The following LZIC variants were observed in gnomAD, a reference collection of about 807,000 sequenced individuals.
LZIC encodes the protein leucine zipper and CTNNBIP1 domain containing.
In LZIC, 28 loss-of-function variants were observed where a neutral mutation model predicts 25.4. That is an observed-to-expected ratio of 1.10 (90% CI 0.82 to 1.51). The LOEUF (loss-of-function observed/expected upper bound fraction) is 1.51, where lower values mean the gene tolerates loss of function less well. Among genes scored for constraint, LZIC ranks in the 40% most tolerant of loss-of-function variants. LZIC has a pLI of 0.00. For synonymous variants in LZIC, 65 were observed against 70.7 expected (o/e 0.92, Z 0.40); for missense variants, 170 against 211.1 (o/e 0.81, Z 1.21).
intron 2 of LZIC, among the ~76,000 whole-genome samples, chr1:9,941,426 C>G (rs950655577): frequency 8.6e-5 from 13 of 151,744 alleles, no homozygotes; most frequent in Admixed American, 1.3e-4. Flanking sequence ...AACTCCTGAC[C>G]TCAGGTGATC....
chr1:9,939,623 AT>A, intron 2 of LZIC, among the ~76,000 whole-genome samples: 1 of 135,580 alleles, frequency 7.4e-6, no homozygotes, highest in East Asian at 2.2e-4. Context: ...AAATGCTGGG[AT>A]TACAGGCATG....
downstream of LZIC, among the ~76,000 whole-genome samples, chr1:9,924,577 A>G (rs1639935175): frequency 6.6e-6 from 1 of 152,086 alleles, no homozygotes; most frequent in Admixed American, 6.6e-5. Flanking sequence ...GATAGTCTCC[A>G]TCTCCTGACC....
At chr1:9,923,509 C>T (rs993873542), downstream of LZIC, among the ~76,000 whole-genome samples, 2 of 135,562 alleles carry the variant, frequency 1.5e-5, no homozygotes, top group African/African-American at 5.4e-5. Flanking sequence ...CGCACCTGGC[C>T]CAATGCTTCT....
downstream of LZIC, among the ~76,000 whole-genome samples, chr1:9,923,914 G>A (rs1283898859): frequency 9.2e-5 from 14 of 151,602 alleles, no homozygotes; most frequent in Admixed American, 2.6e-4. Context: ...CACCACGCCC[G>A]GCTAATTTTT....
rs1640473803 is a variant in LZIC, at chr1:9,936,716, C to G, written c.-8-89G>C. ...TTTATTTTTTGTAGAGACAGAGTCT[C>G]ACTATGTTGCCCAGGCTGGTCTCGG... is the stretch of plus-strand genomic sequence containing the variant. On this transcript the variant is annotated intron_variant, in intron 2 of 7. Transcript: ENST00000377223. 3 of 836,316 alleles carry G rather than the reference C, an allele frequency of 3.6e-6. No individual in the cohort carries two copies. The Admixed American group carries it at 6.3e-5, about 18-fold the overall frequency. 51.8% of individuals were successfully genotyped at this position (836,316 alleles called of 1,614,324 possible).
chr1:9,931,859 C>T lies in LZIC; in HGVS notation c.514+32G>A, dbSNP rs774172508. On this transcript the variant is annotated intron_variant, in intron 7 of 7. Transcript: ENST00000377223. ...GTATGTAATATATGACAGTAGTATA[C>T]GACCAGCTTTCAGAAATATGAGGGC... is the stretch of plus-strand genomic sequence containing the variant. 104 of 1,463,832 alleles carry T rather than the reference C, an allele frequency of 7.1e-5. No homozygotes were observed. The East Asian group carries it at 1.4e-3, about 20-fold the overall frequency. 90.7% of individuals were successfully genotyped at this position (1,463,832 alleles called of 1,614,324 possible). A position where few individuals can be genotyped will look rare whatever the true frequency, so the allele number is the denominator to read the frequency against.
At chr1:9,924,978 G>A (rs1639946116), downstream of LZIC, among the ~76,000 whole-genome samples, 1 of 152,076 alleles carries the variant, frequency 6.6e-6, no homozygotes, top group African/African-American at 2.4e-5. Flanking sequence ...AGTCGCCAGA[G>A]GCTGAGGCAG....
At chr1:9,923,756 TTATATA>T (rs1472305349), downstream of LZIC, among the ~76,000 whole-genome samples, 1 of 152,012 alleles carries the variant, frequency 6.6e-6, no homozygotes, top group African/African-American at 2.4e-5. Flanking sequence ...TTATTTATAT[TTATATA>T]TATTTTTTGA....
At chr1:9,932,738 T>C in intron 6 of LZIC, 65 bp downstream of exon 6, 1 of 783,314 alleles carries the variant, frequency 1.3e-6, no homozygotes, top group Non-Finnish European at 2.1e-6. Flanking sequence ...AGACCACAGA[T>C]CAAGATGTTC....
intron 5 of LZIC, 71 bp downstream of exon 5, chr1:9,934,691 A>T (rs1640376941): frequency 7.6e-7 from 1 of 1,313,744 alleles, no homozygotes; most frequent in Admixed American, 1.8e-5. Flanking sequence ...TTTAAGCCAT[A>T]GGATATCATA....
chr1:9,932,989 C>T lies in LZIC; in HGVS notation c.337-91G>A, dbSNP rs552719373. The T allele has an allele frequency of 3.9e-5, 32 of 825,678 alleles. No individual in the cohort carries two copies. The African/African-American group carries it at 3.9e-4, about 10-fold the overall frequency. 51.1% of individuals were successfully genotyped at this position (825,678 alleles called of 1,614,324 possible). On this transcript the variant is annotated intron_variant, in intron 5 of 7. Coordinates refer to ENST00000377223, the MANE Select transcript of LZIC (RefSeq NM_032368.5). Reference sequence around the variant, plus strand: ...TTTTCAGGCCAGGCGCAGTGGCTCACGCCTATAATCTCAACACTTTGGGCG... The same window carrying T: ...TTTTCAGGCCAGGCGCAGTGGCTCATGCCTATAATCTCAACACTTTGGGCG...
chr1:9,931,670 C>T (rs1359212624), intron 7 of LZIC, among the ~76,000 whole-genome samples: 1 of 152,120 alleles, frequency 6.6e-6, no homozygotes, highest in Non-Finnish European at 1.5e-5. Context: ...GTTATAGTTA[C>T]GTCTACCTGA....
intron 2 of LZIC, among the ~76,000 whole-genome samples, chr1:9,940,637 C>T (rs1386410618): frequency 6.6e-6 from 1 of 152,188 alleles, no homozygotes; most frequent in Non-Finnish European, 1.5e-5. Context: ...GTTTTATTTT[C>T]CTACACATAA....
At position 9,929,204 on chromosome 1, in the gene LZIC, C is replaced by G. The variant is rs1640112820; in HGVS notation, c.*1195G>C. ...TATGAATTTCACCTCTTTTAAGTTC[C>G]AAATAAGGCATCAGTGTAGCGGAGG... On this transcript the variant is annotated 3_prime_UTR_variant, in exon 8 of 8. Transcript: ENST00000377223. The G allele has an allele frequency of 5.3e-6, 3 of 567,438 alleles. No homozygotes were observed. Among genetic ancestry groups the G allele is most frequent in the African/African-American group, 2.0e-5 (1 of 49,092 alleles). The allele number at this position is 567,438 out of a possible 1,614,324, so 35.2% of individuals were successfully genotyped here.
chr1:9,934,745 A>G lies in LZIC; in HGVS notation c.336+17T>C. Reference sequence around the variant, plus strand: ...TGAAAAACACACAGCAACCAAATCAATTTAAAGAAATTTTACCTCTGCTAA... The same window carrying G: ...TGAAAAACACACAGCAACCAAATCAGTTTAAAGAAATTTTACCTCTGCTAA... On this transcript the variant is annotated intron_variant, in intron 5 of 7. Coordinates refer to ENST00000377223, the MANE Select transcript of LZIC (RefSeq NM_032368.5). The G allele has an allele frequency of 6.2e-7, 1 of 1,602,490 alleles. No homozygotes were observed. The highest frequency in any genetic ancestry group is 8.5e-7 in the Non-Finnish European group (1 of 1,169,940).
At chr1:9,934,916 C>A (rs1570640458) in intron 4 of LZIC, 56 bp from the exon 5 acceptor site, 1 of 1,242,184 alleles carries the variant, frequency 8.1e-7, no homozygotes, top group East Asian at 2.3e-5. Context: ...TCAGATATTG[C>A]AATAACTGAT....
In LZIC at chr1:9,942,635, T is replaced by G; in HGVS notation, c.-20A>C. ...TCATTCATGCTCACCTGTCTCTTAGTACTCTGATCTCTGCACAGTGCCGAC... is the reference window on the plus strand; with the variant it reads ...TCATTCATGCTCACCTGTCTCTTAGGACTCTGATCTCTGCACAGTGCCGAC... On this transcript the variant is annotated 5_prime_UTR_variant, in exon 2 of 8. Transcript: ENST00000377223. The G allele has an allele frequency of 7.8e-7, 1 of 1,285,858 alleles. No individual in the cohort carries two copies. The highest frequency in any genetic ancestry group is 1.0e-6 in the Non-Finnish European group (1 of 985,910). 79.7% of individuals were successfully genotyped at this position (1,285,858 alleles called of 1,614,324 possible). A position where few individuals can be genotyped will look rare whatever the true frequency, so the allele number is the denominator to read the frequency against.
chr1:9,941,549 G>A (rs1640736567), intron 2 of LZIC, among the ~76,000 whole-genome samples: 1 of 150,020 alleles, frequency 6.7e-6, no homozygotes, highest in East Asian at 2.0e-4. Flanking sequence ...CGCCAGGCTG[G>A]AGTGCAGTGG....
chr1:9,935,841 A>G (rs1164969930), intron 3 of LZIC, among the ~76,000 whole-genome samples: 2 of 152,162 alleles, frequency 1.3e-5, no homozygotes, highest in African/African-American at 4.8e-5. Flanking sequence ...AAGAAACCAC[A>G]TAATAAAGCA....
Sources: gnomAD v4.1 joint callset for allele counts (sites outside exome capture counted in the v4.1 genomes callset) on GRCh38, gnomAD v4.1.1 for gene constraint, MANE v1.5 for transcripts, NCBI Gene and HGNC (gene_info 2026-07-23, HGNC 2026-07-21) for gene names.